PRKCE: variants seen among roughly 807,000 people sequenced by gnomAD.
PRKCE encodes protein kinase C epsilon.
Under a neutral mutation model 85.4 loss-of-function variants are expected in PRKCE, and 16 were observed. The observed-to-expected ratio is 0.19, with a 90% CI of 0.13 to 0.28. PRKCE has a LOEUF of 0.28. Among genes scored for constraint, PRKCE ranks in the 10% least tolerant of loss-of-function variants. The pLI is 1.00. For synonymous variants in PRKCE, 388 were observed against 371.5 expected, an observed-to-expected ratio of 1.04 and a Z score of -0.51; for missense variants, 573 against 975.2, an observed-to-expected ratio of 0.59 and a Z score of 5.49.
intron 1 of PRKCE, among the ~76,000 whole-genome samples, chr2:45,672,778 C>G (rs1476356418): frequency 6.6e-6 from 1 of 152,116 alleles, no homozygotes; most frequent in Admixed American, 6.5e-5. Flanking sequence ...GTAATCCCAG[C>G]ACTGTGAGAG....
chr2:45,770,484 G>A (rs1325850456), intron 1 of PRKCE, among the ~76,000 whole-genome samples: 2 of 152,160 alleles, frequency 1.3e-5, no homozygotes, highest in Non-Finnish European at 2.9e-5. Flanking sequence ...TGTTTCTGGA[G>A]CTCGCAGAAG....
intron 11 of PRKCE, among the ~76,000 whole-genome samples, chr2:46,119,389 G>A (rs1459615675): frequency 6.6e-6 from 1 of 151,858 alleles, no homozygotes; most frequent in Non-Finnish European, 1.5e-5. Flanking sequence ...GCTAAATGAT[G>A]TCACTTAATC....
At chr2:46,049,986 G>A (rs1237472654) in intron 10 of PRKCE, among the ~76,000 whole-genome samples, 1 of 151,828 alleles carries the variant, frequency 6.6e-6, no homozygotes, top group Non-Finnish European at 1.5e-5. Context: ...TAGAAGGCTG[G>A]GGGTAAAAGC....
At chr2:45,927,843 T>C (rs1299957461) in intron 2 of PRKCE, among the ~76,000 whole-genome samples, 1 of 152,074 alleles carries the variant, frequency 6.6e-6, no homozygotes, top group African/African-American at 2.4e-5. Context: ...TTTTCCACAG[T>C]GATTTCAAAT....
At chr2:45,656,175 C>T (rs544761735) in intron 1 of PRKCE, among the ~76,000 whole-genome samples, 2 of 152,176 alleles carry the variant, frequency 1.3e-5, no homozygotes, top group Admixed American at 6.5e-5. Flanking sequence ...TTTTATTTTC[C>T]ACGTAGTCTT....
intron 1 of PRKCE, among the ~76,000 whole-genome samples, chr2:45,662,664 G>A (rs757260229): frequency 6.7e-6 from 1 of 148,844 alleles, no homozygotes; most frequent in East Asian, 2.0e-4. Context: ...GTTTAGCCTT[G>A]TCTCCCCTGC....
intron 1 of PRKCE, among the ~76,000 whole-genome samples, chr2:45,717,085 A>G (rs1042655703): frequency 3.9e-5 from 6 of 152,206 alleles, no homozygotes; most frequent in Non-Finnish European, 8.8e-5. Context: ...AAACCATGTC[A>G]CATGGTGATG....
intron 10 of PRKCE, among the ~76,000 whole-genome samples, chr2:46,042,098 T>A (rs898799791): frequency 6.6e-6 from 1 of 152,200 alleles, no homozygotes; most frequent in Admixed American, 6.5e-5. Flanking sequence ...AATATTAACA[T>A]TATTGAAAAG....
chr2:45,977,405 G>A lies in PRKCE; in HGVS notation c.572+817G>A, dbSNP rs150240248. Among the ~76,000 whole-genome samples the A allele has an allele frequency of 1.6e-3, 250 of 152,194 alleles. 3 individuals carry two copies. The East Asian group carries it at 0.044, about 27-fold the overall frequency. The stretch of plus-strand genomic sequence containing the variant: ...TAATCCCAGCACTTTGGGAGGCCGA[G>A]GCACGCAGATTGCTTGAGGTCAGGA... On this transcript the variant is annotated intron_variant, in intron 3 of 14. Coordinates refer to ENST00000306156, the MANE Select transcript of PRKCE (RefSeq NM_005400.3).
At position 46,118,020 on chromosome 2, in the gene PRKCE, A is replaced by G. The variant is rs530634488; in HGVS notation, c.1593-27073A>G. ...CTCTAAGATCTACCCTAGCTCTAAT[A>G]GTCCATGAAATCATGATGCTGAATT... On this transcript the variant is annotated intron_variant, in intron 11 of 14. Transcript: ENST00000306156. 6.6e-5 allele frequency among the ~76,000 whole-genome samples: 10 copies of G among 152,352 alleles called. No homozygotes were observed. In the South Asian group the frequency reaches 2.1e-3, roughly 32 times the overall value.
At chr2:46,142,132 C>T (rs940753786) in intron 11 of PRKCE, among the ~76,000 whole-genome samples, 2 of 152,076 alleles carry the variant, frequency 1.3e-5, no homozygotes, top group African/African-American at 4.8e-5. Context: ...AGGACTAGCT[C>T]TTTCTCTTCC....
At chr2:45,680,845 G>T (rs1412840033) in intron 1 of PRKCE, among the ~76,000 whole-genome samples, 1 of 152,110 alleles carries the variant, frequency 6.6e-6, no homozygotes, top group Non-Finnish European at 1.5e-5. Context: ...GTTGTCTTAG[G>T]TACCCTGAAG....
chr2:46,152,226 G>T (rs1676709406), intron 13 of PRKCE, among the ~76,000 whole-genome samples: 1 of 151,432 alleles, frequency 6.6e-6, no homozygotes, highest in Non-Finnish European at 1.5e-5. Flanking sequence ...GCAATGGCCA[G>T]GCTGGAGTGC....
chr2:45,761,908 T>C (rs1170467554), intron 1 of PRKCE, among the ~76,000 whole-genome samples: 3 of 152,112 alleles, frequency 2.0e-5, no homozygotes, highest in African/African-American at 7.2e-5. Flanking sequence ...CAGGTCTCCT[T>C]GTTTTTAAAG....
chr2:46,005,343 C>T lies in PRKCE; in HGVS notation c.1063+705C>T, dbSNP rs76650179. On this transcript the variant is annotated intron_variant, in intron 8 of 14. Transcript: ENST00000306156. ...TTACACTTGCAAAACCTCCTGCTCT[C>T]GTGACCATTATCAGATATGCCTGGT... Among the ~76,000 whole-genome samples the T allele has an allele frequency of 8.5e-4, 129 of 152,254 alleles. 1 individual carries two copies. The East Asian group carries it at 0.023, about 27-fold the overall frequency.
At chr2:45,800,835 C>T (rs920220535) in intron 1 of PRKCE, among the ~76,000 whole-genome samples, 1 of 152,232 alleles carries the variant, frequency 6.6e-6, no homozygotes, top group Non-Finnish European at 1.5e-5. Context: ...CTGTGCTAGG[C>T]ACTGACATAC....
At chr2:45,894,610 G>A (rs1211467016) in intron 2 of PRKCE, among the ~76,000 whole-genome samples, 1 of 152,056 alleles carries the variant, frequency 6.6e-6, no homozygotes, top group Non-Finnish European at 1.5e-5. Context: ...GTGGACGTGA[G>A]GATGTGTTGA....
rs368274069 is a variant in PRKCE, at chr2:45,810,741, G to C, written c.349-32259G>C. Among the ~76,000 whole-genome samples the C allele has an allele frequency of 1.1e-4, 16 of 152,240 alleles. No homozygotes were observed. The East Asian group carries it at 3.1e-3, about 29-fold the overall frequency. On this transcript the variant is annotated intron_variant, in intron 1 of 14. Transcript: ENST00000306156. The stretch of plus-strand genomic sequence containing the variant: ...TGGGACTACAGGCATGCACCATCAT[G>C]CTTAGCTAATATTTTTTATTATTTT...
chr2:45,968,525 C>T (rs1701886429), intron 2 of PRKCE, among the ~76,000 whole-genome samples: 1 of 152,170 alleles, frequency 6.6e-6, no homozygotes, highest in Non-Finnish European at 1.5e-5. Context: ...TATTGGGGTA[C>T]AATGTACACA....
Sources: allele counts gnomAD v4.1 joint callset (sites outside exome capture counted in the v4.1 genomes callset), GRCh38; gene constraint gnomAD v4.1.1; transcripts MANE v1.5; gene names NCBI Gene and HGNC (gene_info 2026-07-23, HGNC 2026-07-21).